SGCZ: variants seen among roughly 807,000 people sequenced by gnomAD.
SGCZ encodes zeta-sarcoglycan.
SGCZ carries 40 observed loss-of-function variants against 41.3 expected under a neutral mutation model. The ratio of observed to expected loss-of-function variants is 0.97; its 90% CI spans 0.75 to 1.26. The LOEUF (loss-of-function observed/expected upper bound fraction) is 1.26, where lower values mean the gene tolerates loss of function less well. Ranked by LOEUF, SGCZ falls within the 50% of genes most tolerant of loss-of-function variation. The probability of loss-of-function intolerance (pLI) is 0.00; values close to 1 mark genes in which losing one functional copy is unlikely to be tolerated. For missense variants in SGCZ, 552 were observed against 369.8 expected (o/e 1.49, Z -4.04); for synonymous variants, 206 against 137.5 (o/e 1.50, Z -3.49).
At chr8:14,635,580 T>C (rs1806801367) in intron 1 of SGCZ, among the ~76,000 whole-genome samples, 1 of 151,884 alleles carries the variant, frequency 6.6e-6, no homozygotes, top group Admixed American at 6.6e-5. Flanking sequence ...TTAAACTGAG[T>C]GCTGCTCTGA....
At chr8:15,082,842 T>C (rs1438705428) in intron 1 of SGCZ, among the ~76,000 whole-genome samples, 1 of 152,208 alleles carries the variant, frequency 6.6e-6, no homozygotes, top group Non-Finnish European at 1.5e-5. Context: ...CTGTCATATC[T>C]AAAAATGACC....
intron 4 of SGCZ, among the ~76,000 whole-genome samples, chr8:14,224,202 T>A (rs1413069603): frequency 1.3e-5 from 2 of 152,326 alleles, no homozygotes; most frequent in Non-Finnish European, 2.9e-5. Flanking sequence ...AGGCCTTTCA[T>A]ATGCAAACTA....
At chr8:14,153,942 C>CACAG (rs1554468731) in intron 5 of SGCZ, among the ~76,000 whole-genome samples, 1 of 80,352 alleles carries the variant, frequency 1.2e-5, no homozygotes, top group Non-Finnish European at 2.1e-5. Context: ...CACACACAGA[C>CACAG]ACACACACAC....
At chr8:14,479,541 C>T (rs1801463382) in intron 2 of SGCZ, among the ~76,000 whole-genome samples, 1 of 152,058 alleles carries the variant, frequency 6.6e-6, no homozygotes, top group Non-Finnish European at 1.5e-5. Flanking sequence ...AATTGACACG[C>T]AGTATTAACC....
chr8:14,525,626 C>G (rs1464170426), intron 2 of SGCZ, among the ~76,000 whole-genome samples: 1 of 151,766 alleles, frequency 6.6e-6, no homozygotes, highest in Non-Finnish European at 1.5e-5. Flanking sequence ...ACTTCTTGAC[C>G]TAGTCACATC....
chr8:14,818,276 C>A (rs938219343), intron 1 of SGCZ, among the ~76,000 whole-genome samples: 1 of 152,138 alleles, frequency 6.6e-6, no homozygotes, highest in Non-Finnish European at 1.5e-5. Flanking sequence ...TCTGGCCTGA[C>A]GACTAACCTG....
At chr8:15,041,764 T>C (rs1390988992) in intron 1 of SGCZ, among the ~76,000 whole-genome samples, 2 of 152,120 alleles carry the variant, frequency 1.3e-5, no homozygotes, top group South Asian at 2.1e-4. Context: ...TTAATTCTTA[T>C]ATGGGGAACA....
chr8:14,297,602 G>A (rs1801058029), intron 3 of SGCZ, among the ~76,000 whole-genome samples: 1 of 151,792 alleles, frequency 6.6e-6, no homozygotes, highest in South Asian at 2.1e-4. Context: ...AGAAATAATA[G>A]GAGATATTAT....
chr8:14,706,723 A>G (rs991157885), intron 1 of SGCZ, among the ~76,000 whole-genome samples: 36 of 152,140 alleles, frequency 2.4e-4, no homozygotes, highest in Admixed American at 2.0e-4. Context: ...TTCTTATAAT[A>G]CTAACACTAA....
chr8:14,322,750 G>C (rs112054578), intron 3 of SGCZ, among the ~76,000 whole-genome samples: 9 of 152,172 alleles, frequency 5.9e-5, no homozygotes, highest in African/African-American at 1.4e-4. Context: ...CCTATGTTTA[G>C]CAGTTTCTTG....
intron 1 of SGCZ, among the ~76,000 whole-genome samples, chr8:14,800,961 A>G (rs1440590658): frequency 6.6e-6 from 1 of 152,234 alleles, no homozygotes; most frequent in Non-Finnish European, 1.5e-5. Context: ...TAGTATTTTA[A>G]ACACCAAAGG....
At chr8:15,019,367 G>A (rs778977695) in intron 1 of SGCZ, among the ~76,000 whole-genome samples, 8 of 152,190 alleles carry the variant, frequency 5.3e-5, no homozygotes, top group African/African-American at 9.7e-5. Flanking sequence ...GATCTGTGGC[G>A]TATGCACCCG....
chr8:14,967,999 C>T (rs1179033751), intron 1 of SGCZ, among the ~76,000 whole-genome samples: 1 of 151,996 alleles, frequency 6.6e-6, no homozygotes, highest in Non-Finnish European at 1.5e-5. Flanking sequence ...ATGGGCAATG[C>T]AATAAAAACA....
chr8:14,085,468 A>G lies in SGCZ; in HGVS notation c.*4975T>C, dbSNP rs1265079893. ...AAACAAATGAGATACTAAGACTGAA[A>G]AAAACAAAAAATAACTACAGTTCAT... is the stretch of plus-strand genomic sequence containing the variant. On this transcript the variant is annotated 3_prime_UTR_variant, in exon 8 of 8. Transcript: ENST00000382080. 6.6e-6 allele frequency among the ~76,000 whole-genome samples: 1 copy of G among 151,792 alleles called. No homozygotes were observed. Among genetic ancestry groups the G allele is most frequent in the Non-Finnish European group, 1.5e-5 (1 of 67,800 alleles).
intron 1 of SGCZ, among the ~76,000 whole-genome samples, chr8:14,860,817 G>C (rs1368344442): frequency 6.6e-6 from 1 of 152,136 alleles, no homozygotes; most frequent in Non-Finnish European, 1.5e-5. Context: ...GACCAACATA[G>C]TTGCAGAAGA....
At chr8:15,031,717 G>A (rs554939981) in intron 1 of SGCZ, among the ~76,000 whole-genome samples, 34 of 152,224 alleles carry the variant, frequency 2.2e-4, no homozygotes, top group African/African-American at 8.2e-4. Flanking sequence ...ATAGGACAAT[G>A]TCAGCTATAT....
chr8:14,764,568 C>G (rs774785650), intron 1 of SGCZ, among the ~76,000 whole-genome samples: 1 of 152,062 alleles, frequency 6.6e-6, no homozygotes, highest in Non-Finnish European at 1.5e-5. Context: ...TATATACAAA[C>G]GTGAGATATT....
At chr8:14,418,922 C>G (rs11988532) in intron 2 of SGCZ, among the ~76,000 whole-genome samples, 6 of 151,842 alleles carry the variant, frequency 4.0e-5, no homozygotes, top group African/African-American at 1.5e-4. Flanking sequence ...CCCAAATGTA[C>G]ACTTCATAAC....
At chr8:14,486,953 A>G (rs1395085851) in intron 2 of SGCZ, among the ~76,000 whole-genome samples, 45 of 152,216 alleles carry the variant, frequency 3.0e-4, no homozygotes, top group Non-Finnish European at 1.5e-5. Flanking sequence ...TAGAGCATGG[A>G]ATGAAGCAGT....
Sources: gnomAD v4.1 joint callset for allele counts (sites outside exome capture counted in the v4.1 genomes callset) on GRCh38, gnomAD v4.1.1 for gene constraint, MANE v1.5 for transcripts, NCBI Gene and HGNC (gene_info 2026-07-23, HGNC 2026-07-21) for gene names.